WWOX: variants seen among roughly 807,000 people sequenced by gnomAD.
WWOX encodes WW domain-containing oxidoreductase.
In WWOX, 69 loss-of-function variants were observed where a neutral mutation model predicts 46.2. The observed-to-expected ratio is 1.49, with a 90% CI of 1.23 to 1.82. The LOEUF is 1.82. Among genes scored for constraint, WWOX ranks in the 40% most tolerant of loss-of-function variants. WWOX has a pLI of 0.00. For missense variants in WWOX, 919 were observed against 542.6 expected (o/e 1.69, Z -6.89); for synonymous variants, 359 against 202.6 (o/e 1.77, Z -6.56).
chr16:78,171,607 G>A (rs1279090288), intron 5 of WWOX, among the ~76,000 whole-genome samples: 2 of 152,002 alleles, frequency 1.3e-5, no homozygotes, highest in Admixed American at 6.6e-5. Context: ...TGTTCTGAAC[G>A]ATCTGTAGCT....
At chr16:78,243,727 C>T (rs893361585) in intron 5 of WWOX, among the ~76,000 whole-genome samples, 1 of 152,022 alleles carries the variant, frequency 6.6e-6, no homozygotes, top group African/African-American at 2.4e-5. Flanking sequence ...TTGTATTTTG[C>T]GTAGAGGCAG....
At chr16:79,165,986 G>A (rs751769219) in intron 8 of WWOX, among the ~76,000 whole-genome samples, 9 of 152,000 alleles carry the variant, frequency 5.9e-5, no homozygotes, top group African/African-American at 1.4e-4. Context: ...AAAATCTTTC[G>A]GTCTAAGCAA....
chr16:78,850,833 G>A (rs569190008), intron 8 of WWOX, among the ~76,000 whole-genome samples: 14 of 152,272 alleles, frequency 9.2e-5, no homozygotes, highest in African/African-American at 3.1e-4. Flanking sequence ...TGAGTTCTTA[G>A]TGTCTATTTT....
chr16:78,410,204 C>G (rs533777654), intron 6 of WWOX, among the ~76,000 whole-genome samples: 26 of 152,324 alleles, frequency 1.7e-4, no homozygotes, highest in Admixed American at 5.9e-4. Flanking sequence ...CACCGGAAGC[C>G]AAGCACATGC....
At chr16:78,414,559 T>G (rs1567558316) in intron 6 of WWOX, among the ~76,000 whole-genome samples, 1 of 152,132 alleles carries the variant, frequency 6.6e-6, no homozygotes, top group Admixed American at 6.5e-5. Context: ...AGAGTGAAAC[T>G]GTCTTAAAAC....
intron 8 of WWOX, among the ~76,000 whole-genome samples, chr16:78,470,915 A>G (rs1053850822): frequency 3.3e-5 from 5 of 152,172 alleles, no homozygotes; most frequent in African/African-American, 7.2e-5. Context: ...TATTGTGCCT[A>G]CTTCACAGCC....
chr16:78,518,138 T>A (rs1030729916), intron 8 of WWOX, among the ~76,000 whole-genome samples: 2 of 152,188 alleles, frequency 1.3e-5, no homozygotes, highest in African/African-American at 4.8e-5. Flanking sequence ...ACATGAAATA[T>A]GTACCTACAG....
chr16:78,792,903 C>T (rs1275545260), intron 8 of WWOX, among the ~76,000 whole-genome samples: 1 of 152,124 alleles, frequency 6.6e-6, no homozygotes, highest in East Asian at 1.9e-4. Context: ...GAGTGCTGTA[C>T]AGACAGAAGG....
At chr16:78,521,382 G>A (rs576997705) in intron 8 of WWOX, among the ~76,000 whole-genome samples, 1 of 152,118 alleles carries the variant, frequency 6.6e-6, no homozygotes, top group Admixed American at 6.5e-5. Context: ...ATGGGGGTGT[G>A]TGGGTGGGTG....
intron 8 of WWOX, among the ~76,000 whole-genome samples, chr16:78,700,508 A>T (rs1184877175): frequency 6.6e-6 from 1 of 152,180 alleles, no homozygotes; most frequent in Non-Finnish European, 1.5e-5. Flanking sequence ...TTCAGTCCAT[A>T]GCATGAACCA....
At chr16:78,182,100 C>A (rs900027451) in intron 5 of WWOX, among the ~76,000 whole-genome samples, 1 of 152,196 alleles carries the variant, frequency 6.6e-6, no homozygotes, top group African/African-American at 2.4e-5. Context: ...AGTTCAAATC[C>A]GGTTTATGCC....
intron 8 of WWOX, chr16:78,996,219 T>C (rs771556250): frequency 1.3e-4 from 131 of 985,194 alleles, no homozygotes; most frequent in Non-Finnish European, 1.6e-4. Flanking sequence ...TGAAGACTTG[T>C]GGATAGAAGA....
At chr16:78,858,687 T>C (rs538915649) in intron 8 of WWOX, among the ~76,000 whole-genome samples, 99 of 152,166 alleles carry the variant, frequency 6.5e-4, no homozygotes, top group South Asian at 1.9e-3. Flanking sequence ...ACATGTCCTT[T>C]TTATTTTTTT....
At chr16:78,855,884 C>G (rs1011620783) in intron 8 of WWOX, among the ~76,000 whole-genome samples, 1 of 152,162 alleles carries the variant, frequency 6.6e-6, no homozygotes, top group African/African-American at 2.4e-5. Context: ...GAGGCCCAGT[C>G]CTTACTCTCA....
At chr16:79,185,387 A>AAGAGGT (rs749331313) in intron 8 of WWOX, among the ~76,000 whole-genome samples, 3 of 152,208 alleles carry the variant, frequency 2.0e-5, no homozygotes, top group Non-Finnish European at 4.4e-5. Context: ...GAGGGGAAAA[A>AAGAGGT]AGAGGTAATA....
intron 8 of WWOX, among the ~76,000 whole-genome samples, chr16:78,503,244 C>T (rs540872193): frequency 1.3e-5 from 2 of 152,222 alleles, no homozygotes; most frequent in South Asian, 4.1e-4. Context: ...TGGAGTCTTC[C>T]ATCCGCTGGT....
chr16:78,869,497 A>G (rs897380153), intron 8 of WWOX, among the ~76,000 whole-genome samples: 1 of 152,230 alleles, frequency 6.6e-6, no homozygotes, highest in African/African-American at 2.4e-5. Flanking sequence ...TCCGGTAACA[A>G]TTTAGATGAA....
At chr16:78,755,740 C>T (rs1044960286) in intron 8 of WWOX, among the ~76,000 whole-genome samples, 2 of 151,986 alleles carry the variant, frequency 1.3e-5, no homozygotes, top group African/African-American at 4.8e-5. Flanking sequence ...TTAAATATGC[C>T]GAATATTATT....
At chr16:78,665,413 T>C (rs375120418) in intron 8 of WWOX, among the ~76,000 whole-genome samples, 20 of 152,294 alleles carry the variant, frequency 1.3e-4, no homozygotes, top group African/African-American at 3.1e-4. Context: ...AATATAACTA[T>C]TGAGTTTTCC....
Sources: allele counts gnomAD v4.1 joint callset (sites outside exome capture counted in the v4.1 genomes callset), GRCh38; gene constraint gnomAD v4.1.1; transcripts MANE v1.5; gene names NCBI Gene and HGNC (gene_info 2026-07-23, HGNC 2026-07-21).